SIK2: variants seen among roughly 807,000 people sequenced by gnomAD.
SIK2 encodes serine/threonine-protein kinase SIK2.
Under a neutral mutation model 103.2 loss-of-function variants are expected in SIK2, and 29 were observed. That is an observed-to-expected ratio of 0.28 (90% CI 0.21 to 0.38). The LOEUF is 0.38. Among genes scored for constraint, SIK2 ranks in the 10% least tolerant of loss-of-function variants. The probability of loss-of-function intolerance (pLI) is 1.00; values close to 1 mark genes in which losing one functional copy is unlikely to be tolerated. For synonymous variants in SIK2, 412 were observed against 446.1 expected (o/e 0.92, Z 0.96); for missense variants, 879 against 1,171.0 (o/e 0.75, Z 3.64).
intron 1 of SIK2, among the ~76,000 whole-genome samples, chr11:111,611,088 G>A (rs1461906721): frequency 3.4e-5 from 1 of 29,104 alleles, no homozygotes; most frequent in African/African-American, 5.7e-5. Flanking sequence ...TCGACCAAAT[G>A]TGTGTGTGTG....
chr11:111,640,222 A>G (rs189314698), intron 3 of SIK2, among the ~76,000 whole-genome samples: 2 of 152,318 alleles, frequency 1.3e-5, no homozygotes, highest in East Asian at 3.9e-4. Context: ...GTAAATCACA[A>G]AATATTCCCA....
chr11:111,636,506 T>A (rs2135852636), intron 3 of SIK2, among the ~76,000 whole-genome samples: 1 of 152,296 alleles, frequency 6.6e-6, no homozygotes, highest in South Asian at 2.1e-4. Context: ...TATACTTTAG[T>A]GAGAGTGTTT....
intron 4 of SIK2, among the ~76,000 whole-genome samples, chr11:111,693,147 C>T (rs1474281509): frequency 6.6e-6 from 1 of 152,056 alleles, no homozygotes; most frequent in African/African-American, 2.4e-5. Context: ...TCCTGGCCAA[C>T]ATGGTGAAAC....
Position 111,705,023 on chromosome 11 carries a change from A to G in SIK2, c.985A>G (p.Ile329Val). 6.2e-7 allele frequency: 1 copy of G among 1,608,130 alleles called. No homozygotes were observed. Among genetic ancestry groups the G allele is most frequent in the Non-Finnish European group, 8.5e-7 (1 of 1,178,156 alleles). The change falls in exon 8 of 15, where the codon ATT (isoleucine) becomes GTT (valine). Residue 329 changes from isoleucine to valine, a missense_variant. Transcript: ENST00000304987. This position sits in a 1 kb window ranked among gnomAD's most constrained non-coding sequence, Gnocchi z 4.3. ...CAAGAGCTATAACCACTTTGCTGCC[A>G]TTTATTTCTTGTTGGTGGAGCGCCT... ...QNKSYNHFAA[I>V]YFLLVERLKS... is the part of the protein sequence containing the mutation.
chr11:111,665,542 G>C (rs1343669098), intron 3 of SIK2, among the ~76,000 whole-genome samples: 1 of 151,962 alleles, frequency 6.6e-6, no homozygotes, highest in African/African-American at 2.4e-5. Flanking sequence ...GAAATATCGG[G>C]GCTGGGCGTG....
Position 111,724,469 on chromosome 11 carries a change from T to A in SIK2, c.*340T>A. 3.5e-6 allele frequency: 1 copy of A among 288,884 alleles called. No individual in the cohort carries two copies. Among genetic ancestry groups the A allele is most frequent in the Non-Finnish European group, 6.5e-6 (1 of 152,708 alleles). The allele number at this position is 288,884 out of a possible 1,614,324, so 17.9% of individuals were successfully genotyped here. On this transcript the variant is annotated 3_prime_UTR_variant, in exon 15 of 15. Transcript: ENST00000304987. ...TATGCAGGATTACATCCGTTTATTA[T>A]CAAGGGCAACCTTGGTGAAAGCAGA...
At chr11:111,613,177 G>T (rs1941753051) in intron 1 of SIK2, among the ~76,000 whole-genome samples, 1 of 151,812 alleles carries the variant, frequency 6.6e-6, no homozygotes, top group African/African-American at 2.4e-5. Flanking sequence ...CTTTCTCTGG[G>T]TAATACCTTG....
At chr11:111,669,595 G>GA (rs909034327) in intron 3 of SIK2, among the ~76,000 whole-genome samples, 5 of 46,550 alleles carry the variant, frequency 1.1e-4, no homozygotes, top group Non-Finnish European at 1.2e-4. Flanking sequence ...TTTTAAAAAA[G>GA]AAAAAAAAAG....
chr11:111,705,871 G>A lies in SIK2; in HGVS notation c.1101+732G>A, dbSNP rs1943332603. On this transcript the variant is annotated intron_variant, in intron 8 of 14. Transcript: ENST00000304987. This position sits in a 1 kb window ranked among gnomAD's most constrained non-coding sequence, Gnocchi z 4.3. ...GAAGAAATTTGGAGAGAGCAGTTAG[G>A]AGAGTGTTACAGTAGAGATGAGAAA... is the stretch of plus-strand genomic sequence containing the variant. 6.6e-6 allele frequency among the ~76,000 whole-genome samples: 1 copy of A among 152,208 alleles called. No homozygotes were observed. The highest frequency in any genetic ancestry group is 2.4e-5 in the African/African-American group (1 of 41,456).
chr11:111,611,262 A>G (rs1941723173), intron 1 of SIK2, among the ~76,000 whole-genome samples: 1 of 145,024 alleles, frequency 6.9e-6, no homozygotes, highest in Non-Finnish European at 1.5e-5. Context: ...AAAAAAAAAA[A>G]CTACACATAA....
At chr11:111,649,621 AC>A (rs1325544849) in intron 3 of SIK2, among the ~76,000 whole-genome samples, 2 of 152,216 alleles carry the variant, frequency 1.3e-5, no homozygotes, top group African/African-American at 4.8e-5. Context: ...CAAGGAATGA[AC>A]ATTCATTCAT....
At position 111,602,767 on chromosome 11, in the gene SIK2, G is replaced by A; in HGVS notation, c.135+69G>A. 7.0e-7 allele frequency: 1 copy of A among 1,422,664 alleles called. No homozygotes were observed. The highest frequency in any genetic ancestry group is 1.5e-5 in the South Asian group (1 of 68,766). The allele number at this position is 1,422,664 out of a possible 1,614,324, so 88.1% of individuals were successfully genotyped here. A position where few individuals can be genotyped will look rare whatever the true frequency, so the allele number is the denominator to read the frequency against. ...GGAGAGGAGCTGCTTACCGAGAGGG[G>A]CGGCCGCAGTGGTGGGACCGGGGAG... is the stretch of plus-strand genomic sequence containing the variant. On this transcript the variant is annotated intron_variant, in intron 1 of 14. Transcript: ENST00000304987. This position sits in a 1 kb window ranked among gnomAD's most constrained non-coding sequence, Gnocchi z 4.5.
chr11:111,717,209 G>A (rs767128552), intron 9 of SIK2, among the ~76,000 whole-genome samples: 5 of 151,376 alleles, frequency 3.3e-5, no homozygotes, highest in African/African-American at 7.3e-5. Flanking sequence ...CCAGCTACTC[G>A]GGAGGCTGAG....
intron 9 of SIK2, among the ~76,000 whole-genome samples, chr11:111,719,383 A>G (rs1591646350): frequency 7.8e-6 from 1 of 127,990 alleles, no homozygotes; most frequent in East Asian, 2.3e-4. Flanking sequence ...TTTAGCAATG[A>G]GCCAAGTAGT....
At chr11:111,684,211 C>T (rs559965023) in intron 3 of SIK2, among the ~76,000 whole-genome samples, 2 of 152,308 alleles carry the variant, frequency 1.3e-5, no homozygotes, top group African/African-American at 4.8e-5. Context: ...CAAACTTTTT[C>T]TTTCCCCTTG....
At chr11:111,625,364 G>A (rs1010047586) in intron 3 of SIK2, among the ~76,000 whole-genome samples, 1 of 152,074 alleles carries the variant, frequency 6.6e-6, no homozygotes, top group African/African-American at 2.4e-5. Flanking sequence ...AGTCCTAAGT[G>A]GTCAAACTCA....
Position 111,724,425 on chromosome 11 carries a change from G to T in SIK2, c.*296G>T. ...GCACTGACAAATGTGTTCCTAAGAAGACATTCAGACCCAGGTGTTATGCAG... is the reference window on the plus strand; with the variant it reads ...GCACTGACAAATGTGTTCCTAAGAATACATTCAGACCCAGGTGTTATGCAG... On this transcript the variant is annotated 3_prime_UTR_variant, in exon 15 of 15. Coordinates refer to ENST00000304987, the MANE Select transcript of SIK2 (RefSeq NM_015191.3). The T allele has an allele frequency of 2.4e-6, 1 of 415,294 alleles. No individual in the cohort carries two copies. The highest frequency in any genetic ancestry group is 3.2e-5 in the South Asian group (1 of 30,906). The allele number at this position is 415,294 out of a possible 1,614,324, so 25.7% of individuals were successfully genotyped here.
At chr11:111,699,280 T>G (rs186097906) in intron 4 of SIK2, among the ~76,000 whole-genome samples, 9 of 152,314 alleles carry the variant, frequency 5.9e-5, no homozygotes, top group Non-Finnish European at 1.2e-4. Context: ...AGATGTACCC[T>G]CTTTTCTCTC....
intron 8 of SIK2, among the ~76,000 whole-genome samples, chr11:111,708,297 G>A (rs370017834): frequency 3.3e-5 from 5 of 152,072 alleles, no homozygotes; most frequent in African/African-American, 1.2e-4. Flanking sequence ...CAGGAAAATC[G>A]CTTGAACCCA....
Sources: gnomAD v4.1 joint callset for allele counts (sites outside exome capture counted in the v4.1 genomes callset) on GRCh38, gnomAD v4.1.1 for gene constraint, Gnocchi (gnomAD v3.1) non-coding constraint, MANE v1.5 for transcripts, NCBI Gene and HGNC (gene_info 2026-07-23, HGNC 2026-07-21) for gene names.